CT45A1: variants seen among roughly 807,000 people sequenced by gnomAD.
CT45A1 encodes cancer/testis antigen 45-1.
At chrX:135,715,661 TTA>T (rs1276153221) in intron 1 of CT45A1, among the ~76,000 whole-genome samples, 1 of 99,450 alleles carries the variant, frequency 1.0e-5, no homozygotes, top group African/African-American at 3.7e-5. Context: ...TATATAATAC[TTA>T]TATATATAAT....
chrX:135,718,394 T>C (rs2088008513), intron 1 of CT45A1, among the ~76,000 whole-genome samples: 1 of 110,989 alleles, frequency 9.0e-6, no homozygotes, highest in African/African-American at 3.3e-5. Context: ...TCTAAATTCC[T>C]TGTCAGATGT....
At chrX:135,711,608 A>G (rs2087933640), upstream of CT45A1, among the ~76,000 whole-genome samples, 1 of 109,867 alleles carries the variant, frequency 9.1e-6, no homozygotes, top group Non-Finnish European at 1.9e-5. Context: ...CTATATTTTT[A>G]ATTTTTTTTT....
chrX:135,710,607 A>G (rs2087928901), upstream of CT45A1, among the ~76,000 whole-genome samples: 1 of 112,270 alleles, frequency 8.9e-6, no homozygotes, highest in Non-Finnish European at 1.9e-5. Flanking sequence ...CAGGTTTGCC[A>G]TGGTGAGTGG....
chrX:135,714,173 G>A (rs1377615218), intron 1 of CT45A1, among the ~76,000 whole-genome samples: 1 of 109,590 alleles, frequency 9.1e-6, no homozygotes, highest in Non-Finnish European at 1.9e-5. Context: ...CGCTGACGGG[G>A]GCTTTATCTC....
chrX:135,715,653 T>G (rs1300840380), intron 1 of CT45A1, among the ~76,000 whole-genome samples: 3 of 99,406 alleles, frequency 3.0e-5, no homozygotes, highest in African/African-American at 1.1e-4. Context: ...CTTATATGTA[T>G]ATAATACTTA....
At chrX:135,718,609 T>C (rs1556572598) in intron 1 of CT45A1, among the ~76,000 whole-genome samples, 2 of 110,486 alleles carry the variant, frequency 1.8e-5, no homozygotes, top group African/African-American at 6.6e-5. Context: ...TTTTTCCTAA[T>C]AAGGGTTAAT....
intron 1 of CT45A1, among the ~76,000 whole-genome samples, chrX:135,715,229 A>AT (rs1178975404): frequency 1.2e-5 from 1 of 86,002 alleles, no homozygotes; most frequent in South Asian, 5.0e-4. Context: ...ATATATATAT[A>AT]ATACTTATAT....
chrX:135,712,974 T>TTTCTTTCTTTCTTTCTTTCC (rs782341458), upstream of CT45A1, among the ~76,000 whole-genome samples: 1 of 48,173 alleles, frequency 2.1e-5, no homozygotes, highest in African/African-American at 8.7e-5. Flanking sequence ...TCTTTCTTTC[T>TTTCTTTCTTTCTTTCTTTCC]TTTCTTTCTC....
chrX:135,710,661 C>T (rs782577553), upstream of CT45A1, among the ~76,000 whole-genome samples: 111 of 112,117 alleles, frequency 9.9e-4, 1 homozygote, highest in Non-Finnish European at 1.5e-3. Flanking sequence ...GACAGTTTGA[C>T]CACTTTGTTG....
At chrX:135,712,595 C>A (rs1185933142), upstream of CT45A1, among the ~76,000 whole-genome samples, 1 of 110,766 alleles carries the variant, frequency 9.0e-6, no homozygotes, top group Non-Finnish European at 1.9e-5. Flanking sequence ...GTGGTGTGAT[C>A]TCAGCTCACT....
At chrX:135,718,367 T>C (rs1319924366) in intron 1 of CT45A1, among the ~76,000 whole-genome samples, 1 of 111,319 alleles carries the variant, frequency 9.0e-6, no homozygotes, top group Non-Finnish European at 1.9e-5. Flanking sequence ...TGGCTTGATC[T>C]TGTAGTTTTT....
chrX:135,711,372 C>G (rs2087932334), upstream of CT45A1, among the ~76,000 whole-genome samples: 1 of 111,657 alleles, frequency 9.0e-6, no homozygotes, highest in Non-Finnish European at 1.9e-5. Flanking sequence ...GGCTAGGAAG[C>G]TATAATACTG....
intron 1 of CT45A1, among the ~76,000 whole-genome samples, chrX:135,714,441 G>A (rs782374403): frequency 1.8e-5 from 2 of 109,306 alleles, no homozygotes; most frequent in Admixed American, 1.9e-4. Flanking sequence ...GGGAGGCCAC[G>A]TGACCTTGGG....
At chrX:135,712,389 T>C (rs1442368278), upstream of CT45A1, among the ~76,000 whole-genome samples, 2 of 108,696 alleles carry the variant, frequency 1.8e-5, no homozygotes, top group Non-Finnish European at 3.8e-5. Context: ...TCTTGAACTC[T>C]TGGGCTCAAG....
At chrX:135,715,933 T>G (rs1437380732) in intron 1 of CT45A1, among the ~76,000 whole-genome samples, 1 of 106,495 alleles carries the variant, frequency 9.4e-6, no homozygotes, top group African/African-American at 3.4e-5. Context: ...CTCCCACTTA[T>G]GAGTGAGAAC....
upstream of CT45A1, chrX:135,710,164 G>A: frequency 1.8e-5 from 2 of 113,219 alleles, no homozygotes; most frequent in Middle Eastern, 9.1e-3. Flanking sequence ...TGTCCTGGGT[G>A]GCGAAATGGC....
chrX:135,713,766 C>T, intron 1 of CT45A1, 76 bp downstream of exon 1: 1 of 655,912 alleles, frequency 1.5e-6, no homozygotes, highest in Non-Finnish European at 1.8e-6. Context: ...TGTCCTTTTT[C>T]CTCAGAAAGA....
At chrX:135,718,109 C>G (rs1390519174) in intron 1 of CT45A1, among the ~76,000 whole-genome samples, 1 of 111,856 alleles carries the variant, frequency 8.9e-6, no homozygotes, top group African/African-American at 3.3e-5. Flanking sequence ...GTTTTTATCA[C>G]GAATGGACTT....
chrX:135,712,179 CTT>C (rs782572662), upstream of CT45A1, among the ~76,000 whole-genome samples: 1 of 48,422 alleles, frequency 2.1e-5, no homozygotes. Flanking sequence ...TTTTTTCTTT[CTT>C]TTTTTTTTTT....
Sources: gnomAD v4.1 joint callset for allele counts (sites outside exome capture counted in the v4.1 genomes callset) on GRCh38, gnomAD v4.1.1 for gene constraint, MANE v1.5 for transcripts, NCBI Gene and HGNC (gene_info 2026-07-23, HGNC 2026-07-21) for gene names.